USP6NL: variants seen among roughly 807,000 people sequenced by gnomAD.
The protein encoded by USP6NL is USP6 N-terminal-like protein.
USP6NL carries 26 observed loss-of-function variants against 61.9 expected under a neutral mutation model. That is an observed-to-expected ratio of 0.42 (90% CI 0.31 to 0.58). USP6NL has a LOEUF of 0.58. USP6NL is among the 20% of genes least tolerant of loss of function. The pLI, the probability that USP6NL is intolerant of heterozygous loss-of-function variation, is 0.16. For missense variants in USP6NL, 1,114 were observed against 1,034.3 expected, an observed-to-expected ratio of 1.08 and a Z score of -1.06; for synonymous variants, 432 against 390.1, an observed-to-expected ratio of 1.11 and a Z score of -1.27.
At position 11,485,097 on chromosome 10, in the gene USP6NL, A is replaced by T; in HGVS notation, c.826-27T>A. 6.5e-7 allele frequency: 1 copy of T among 1,537,420 alleles called. No individual in the cohort carries two copies. The highest frequency in any genetic ancestry group is 8.8e-7 in the Non-Finnish European group (1 of 1,142,480). ...TACAATTAAAAGCAAAACAAAACAA[A>T]AATAGGGTTAACAGCTTCCCCTCAC... On this transcript the variant is annotated intron_variant, in intron 12 of 14. Coordinates refer to ENST00000609104, the MANE Select transcript of USP6NL (RefSeq NM_014688.5). This position sits in a 1 kb window ranked among gnomAD's most constrained non-coding sequence, Gnocchi z 4.8.
At chr10:11,558,040 A>G (rs1355028103) in intron 2 of USP6NL, among the ~76,000 whole-genome samples, 1 of 152,214 alleles carries the variant, frequency 6.6e-6, no homozygotes, top group African/African-American at 2.4e-5. Flanking sequence ...GAGGTTCACA[A>G]TCTTGAATTT....
At chr10:11,503,616 T>C (rs1341372457) in intron 6 of USP6NL, among the ~76,000 whole-genome samples, 1 of 152,188 alleles carries the variant, frequency 6.6e-6, no homozygotes, top group African/African-American at 2.4e-5. Flanking sequence ...TACTGAGCAT[T>C]TACCATGCAC....
intron 8 of USP6NL, 70 bp downstream of exon 8, chr10:11,493,049 T>C (rs1591839606): frequency 8.7e-6 from 12 of 1,376,532 alleles, no homozygotes; most frequent in Middle Eastern, 1.8e-4. Flanking sequence ...TATAAAGGCA[T>C]TCTAATTTTA....
chr10:11,545,076 C>T (rs1397098305), intron 2 of USP6NL, among the ~76,000 whole-genome samples: 1 of 152,176 alleles, frequency 6.6e-6, no homozygotes, highest in Non-Finnish European at 1.5e-5. Context: ...ACATCCTGAA[C>T]TTTTTGTTAT....
Position 11,530,593 on chromosome 10 carries a change from T to A in USP6NL, c.5-3026A>T, listed in dbSNP as rs185149719. Among the ~76,000 whole-genome samples, 57 of 152,322 alleles carry A rather than the reference T, an allele frequency of 3.7e-4. 1 individual carries two copies. In the East Asian group the frequency reaches 5.8e-3, roughly 15 times the overall value. The stretch of plus-strand genomic sequence containing the variant: ...CTCAATCTTTAAACTCCCTTAGAAA[T>A]GTCTTATCCCTGAGTTACCCCATGG... On this transcript the variant is annotated intron_variant, in intron 2 of 14. Transcript: ENST00000609104.
At chr10:11,567,421 C>T (rs1357352392) in intron 2 of USP6NL, among the ~76,000 whole-genome samples, 1 of 152,174 alleles carries the variant, frequency 6.6e-6, no homozygotes, top group Non-Finnish European at 1.5e-5. Context: ...ACAACCTGTA[C>T]TAAATACATC....
intron 2 of USP6NL, among the ~76,000 whole-genome samples, chr10:11,529,281 G>A (rs1451263645): frequency 6.6e-6 from 1 of 152,136 alleles, no homozygotes; most frequent in Non-Finnish European, 1.5e-5. Context: ...AATACTCAAT[G>A]TTGACAACAA....
At position 11,489,214 on chromosome 10, in the gene USP6NL, C is replaced by A. The variant is rs758390450; in HGVS notation, c.552G>T (p.Gly184=). The change falls in exon 10 of 15, where the codon GGG becomes GGT. Residue 184 remains glycine, a synonymous_variant. Transcript: ENST00000609104. The surrounding 1 kb of genome is among the most constrained non-coding windows in gnomAD (Gnocchi z 5.7). ...TGATCTGGCTCATCCCCTGACAATA[C>A]CCGACTTCCTGGGGAGCAAAGGGGA... ...AAYSIYNTEV[G]YCQGMSQITA... The A allele has an allele frequency of 5.0e-6, 8 of 1,613,760 alleles. No individual in the cohort carries two copies. In the South Asian group the frequency reaches 5.5e-5, roughly 11 times the overall value.
At chr10:11,527,409 TG>T in intron 3 of USP6NL, 90 bp downstream of exon 3, 1 of 1,155,338 alleles carries the variant, frequency 8.7e-7, no homozygotes, top group Non-Finnish European at 1.3e-6. Context: ...AAACTGCTTC[TG>T]GAATGTAAGC....
chr10:11,515,168 ATAGT>A (rs1834901849), intron 5 of USP6NL, among the ~76,000 whole-genome samples: 3 of 152,186 alleles, frequency 2.0e-5, no homozygotes, highest in African/African-American at 7.2e-5. Flanking sequence ...GACCAGCTGA[ATAGT>A]AAGTATTCAA....
At chr10:11,473,677 G>T (rs755601673) in intron 14 of USP6NL, among the ~76,000 whole-genome samples, 1 of 152,174 alleles carries the variant, frequency 6.6e-6, no homozygotes, top group Non-Finnish European at 1.5e-5. Flanking sequence ...ATTACCAACT[G>T]TCTGACCTCG....
At chr10:11,544,130 C>T (rs543179462) in intron 2 of USP6NL, among the ~76,000 whole-genome samples, 10 of 151,914 alleles carry the variant, frequency 6.6e-5, no homozygotes, top group African/African-American at 1.2e-4. Context: ...GGTTTCTTTA[C>T]GGTAGCCCAA....
Position 11,573,841 on chromosome 10 carries a change from T to C in USP6NL, c.4+23790A>G, listed in dbSNP as rs894742526. 3.8e-5 allele frequency: 15 copies of C among 392,852 alleles called. No homozygotes were observed. The South Asian group carries it at 1.1e-3, about 30-fold the overall frequency. The allele number at this position is 392,852 out of a possible 1,614,324, so 24.3% of individuals were successfully genotyped here. On this transcript the variant is annotated intron_variant, in intron 2 of 14. Transcript: ENST00000609104. ...CTATCCATGAAGGCTCTGAAGCAGTTAATAAGAAACAACGAAAGGATAGGC... is the reference window on the plus strand; with the variant it reads ...CTATCCATGAAGGCTCTGAAGCAGTCAATAAGAAACAACGAAAGGATAGGC...
chr10:11,495,653 T>C lies in USP6NL; in HGVS notation c.385-2425A>G, dbSNP rs1833891230. 2.0e-5 allele frequency among the ~76,000 whole-genome samples: 3 copies of C among 152,230 alleles called. No individual in the cohort carries two copies. The highest frequency in any genetic ancestry group is 2.0e-4 in the Admixed American group (3 of 15,280). On this transcript the variant is annotated intron_variant, in intron 7 of 14. Transcript: ENST00000609104. The surrounding 1 kb of genome is among the most constrained non-coding windows in gnomAD (Gnocchi z 4.6). Reference sequence around the variant, plus strand: ...AGCTCTGTTGTTTTTGAGTGTTCCTTTTTATAGCATTCTATACTTGTTTTA... The same window carrying C: ...AGCTCTGTTGTTTTTGAGTGTTCCTCTTTATAGCATTCTATACTTGTTTTA...
intron 4 of USP6NL, among the ~76,000 whole-genome samples, chr10:11,522,758 GTCC>G (rs1835262271): frequency 6.6e-6 from 1 of 152,098 alleles, no homozygotes; most frequent in Non-Finnish European, 1.5e-5. Context: ...TTCTCTTTAG[GTCC>G]TCGTTTTCCC....
intron 14 of USP6NL, among the ~76,000 whole-genome samples, chr10:11,472,463 A>C (rs1832796949): frequency 6.6e-6 from 1 of 152,236 alleles, no homozygotes; most frequent in Non-Finnish European, 1.5e-5. Flanking sequence ...TGTGAGCAGC[A>C]TTCTACCTTT....
At chr10:11,502,113 GC>G (rs1834224301) in intron 6 of USP6NL, among the ~76,000 whole-genome samples, 2 of 152,056 alleles carry the variant, frequency 1.3e-5, no homozygotes, top group South Asian at 4.1e-4. Context: ...AAAAAAATTA[GC>G]CGGGCATGGT....
chr10:11,468,144 C>T lies in USP6NL; in HGVS notation c.1079-4295G>A, dbSNP rs956924013. Among the ~76,000 whole-genome samples the T allele has an allele frequency of 6.6e-6, 1 of 152,118 alleles. No individual in the cohort carries two copies. Among genetic ancestry groups the T allele is most frequent in the African/African-American group, 2.4e-5 (1 of 41,422 alleles). ...GATCAAAAATCCATTTTTAATTAATCCATTTATTGATTCTTGCCTCAGACA... is the reference window on the plus strand; with the variant it reads ...GATCAAAAATCCATTTTTAATTAATTCATTTATTGATTCTTGCCTCAGACA... On this transcript the variant is annotated intron_variant, in intron 14 of 14. Transcript: ENST00000609104. The surrounding 1 kb of genome is among the most constrained non-coding windows in gnomAD (Gnocchi z 4.5).
chr10:11,542,096 T>A (rs530800982), intron 2 of USP6NL, among the ~76,000 whole-genome samples: 1 of 151,900 alleles, frequency 6.6e-6, no homozygotes, highest in South Asian at 2.1e-4. Context: ...AATCATTAAG[T>A]GAATGACAAT....
Sources: gnomAD v4.1 joint callset for allele counts (sites outside exome capture counted in the v4.1 genomes callset) on GRCh38, gnomAD v4.1.1 for gene constraint, Gnocchi (gnomAD v3.1) non-coding constraint, MANE v1.5 for transcripts, NCBI Gene and HGNC (gene_info 2026-07-23, HGNC 2026-07-21) for gene names.